SMG6: variants seen among roughly 807,000 people sequenced by gnomAD.
SMG6 encodes the protein telomerase-binding protein EST1A.
In SMG6, 66 loss-of-function variants were observed where a neutral mutation model predicts 142.2. That is an observed-to-expected ratio of 0.46 (90% CI 0.38 to 0.57). SMG6 has a LOEUF of 0.57. Among genes scored for constraint, SMG6 ranks in the 20% least tolerant of loss-of-function variants. The probability of loss-of-function intolerance (pLI) is 0.00; values close to 1 mark genes in which losing one functional copy is unlikely to be tolerated. For missense variants in SMG6, 1,793 were observed against 1,832.0 expected, an observed-to-expected ratio of 0.98 and a Z score of 0.39; for synonymous variants, 779 against 702.4, an observed-to-expected ratio of 1.11 and a Z score of -1.72.
intron 13 of SMG6, among the ~76,000 whole-genome samples, chr17:2,153,290 T>A (rs1026408669): frequency 2.6e-5 from 4 of 152,192 alleles, no homozygotes; most frequent in African/African-American, 9.7e-5. Flanking sequence ...CTATGTACTG[T>A]ATGATTTTAT....
intron 10 of SMG6, chr17:2,232,707 C>T (rs1168526287): frequency 1.3e-5 from 2 of 152,160 alleles, no homozygotes; most frequent in Non-Finnish European, 2.9e-5. Context: ...ATCAAGGTCT[C>T]TCCACCAACA....
At chr17:2,297,630 TTCTC>T (rs958478330) in intron 3 of SMG6, among the ~76,000 whole-genome samples, 4 of 151,962 alleles carry the variant, frequency 2.6e-5, no homozygotes, top group Non-Finnish European at 4.4e-5. Flanking sequence ...CACATTCTCA[TTCTC>T]TCTCTTTTAG....
intron 10 of SMG6, among the ~76,000 whole-genome samples, chr17:2,218,211 C>T (rs1022884027): frequency 6.6e-6 from 1 of 152,042 alleles, no homozygotes; most frequent in Admixed American, 6.6e-5. Context: ...TCTCCCATAA[C>T]ATTCTGTTAT....
At chr17:2,202,900 C>A (rs189477720) in intron 10 of SMG6, among the ~76,000 whole-genome samples, 1 of 152,322 alleles carries the variant, frequency 6.6e-6, no homozygotes, top group African/African-American at 2.4e-5. Flanking sequence ...AGCATTACCA[C>A]ACAGCTGCTG....
chr17:2,104,612 T>G (rs1040522359), intron 13 of SMG6, among the ~76,000 whole-genome samples: 3 of 150,424 alleles, frequency 2.0e-5, no homozygotes, highest in African/African-American at 7.4e-5. Flanking sequence ...CCTCTGCAAT[T>G]TTCATTGATC....
chr17:2,225,825 C>T (rs1045111012), intron 10 of SMG6, among the ~76,000 whole-genome samples: 2 of 151,606 alleles, frequency 1.3e-5, no homozygotes, highest in African/African-American at 2.4e-5. Context: ...AGTAGGGGCA[C>T]GACGACAACG....
intron 10 of SMG6, among the ~76,000 whole-genome samples, chr17:2,220,096 A>AT (rs2073131723): frequency 6.6e-6 from 1 of 151,858 alleles, no homozygotes; most frequent in Admixed American, 6.6e-5. Flanking sequence ...TAATTTTTGT[A>AT]TTTTTTTGTA....
chr17:2,152,977 T>C (rs1440966824), intron 13 of SMG6, among the ~76,000 whole-genome samples: 2 of 152,172 alleles, frequency 1.3e-5, no homozygotes, highest in Non-Finnish European at 2.9e-5. Context: ...ATGTATACAA[T>C]GGAATACTAC....
In SMG6 at chr17:2,291,842, C is replaced by G. The variant is rs1351822717; in HGVS notation, c.2337+710G>C. On this transcript the variant is annotated intron_variant, in intron 6 of 18. Transcript: ENST00000263073. ...CCAGCCTGGGTGACAGAGCAAGACC[C>G]TGCCTCTCTTAAAAAAAAAAAAAAA... 5.4e-5 allele frequency among the ~76,000 whole-genome samples: 7 copies of G among 128,864 alleles called. No homozygotes were observed. In the Admixed American group the frequency reaches 5.9e-4, roughly 11 times the overall value. 84.5% of individuals were successfully genotyped at this position (128,864 alleles called of 152,430 possible). A position where few individuals can be genotyped will look rare whatever the true frequency, so the allele number is the denominator to read the frequency against.
chr17:2,258,027 A>T (rs1597726187), intron 8 of SMG6, among the ~76,000 whole-genome samples: 3 of 100,130 alleles, frequency 3.0e-5, no homozygotes, highest in East Asian at 3.2e-4. Context: ...AAAAAAAAAA[A>T]AAAAAAAATA....
At chr17:2,117,599 G>A (rs1276098494) in intron 13 of SMG6, 2 of 152,134 alleles carry the variant, frequency 1.3e-5, no homozygotes, top group Non-Finnish European at 2.9e-5. Flanking sequence ...AACAGACAAT[G>A]TATAAGACCT....
chr17:2,159,819 G>C (rs571552432), intron 13 of SMG6, among the ~76,000 whole-genome samples: 1 of 152,074 alleles, frequency 6.6e-6, no homozygotes, highest in Non-Finnish European at 1.5e-5. Context: ...CCATACAATG[G>C]AATACTACTC....
chr17:2,167,131 C>CAAAAAAAAAA (rs57898779), intron 13 of SMG6, among the ~76,000 whole-genome samples: 118 of 35,568 alleles, frequency 3.3e-3, no homozygotes, highest in Middle Eastern at 0.031. Flanking sequence ...GACTCCATCT[C>CAAAAAAAAAA]AAAAAAAAAA....
rs1040369952 is a variant in SMG6 at position 2,265,953 on chromosome 17, TG to T, written c.2661+16693del. 3 of 981,038 alleles carry T rather than the reference TG, an allele frequency of 3.1e-6. No individual in the cohort carries two copies. In the African/African-American group the frequency reaches 5.3e-5, roughly 17 times the overall value. 60.8% of individuals were successfully genotyped at this position (981,038 alleles called of 1,614,324 possible). A position where few individuals can be genotyped will look rare whatever the true frequency, so the allele number is the denominator to read the frequency against. ...ACCACCTAAGAACTGGTGCATGTGTTGGGCTTCTAATCACCTCTCATTCTCG... is the reference window on the plus strand; with the variant it reads ...ACCACCTAAGAACTGGTGCATGTGTTGGCTTCTAATCACCTCTCATTCTCG... On this transcript the variant is annotated intron_variant, in intron 8 of 18. Coordinates refer to ENST00000263073, the MANE Select transcript of SMG6 (RefSeq NM_017575.5).
At chr17:2,197,302 G>A (rs1191900848) in intron 10 of SMG6, among the ~76,000 whole-genome samples, 9 of 152,130 alleles carry the variant, frequency 5.9e-5, no homozygotes, top group African/African-American at 1.9e-4. Context: ...GGTGGCTCAC[G>A]CCTATAATTC....
chr17:2,138,973 C>T (rs2070388239), intron 13 of SMG6, among the ~76,000 whole-genome samples: 1 of 152,204 alleles, frequency 6.6e-6, no homozygotes, highest in Admixed American at 6.5e-5. Context: ...ATCTCTAACT[C>T]TGTTCTCCAT....
chr17:2,240,053 G>A (rs530301935), intron 9 of SMG6: 1 of 152,310 alleles, frequency 6.6e-6, no homozygotes, highest in East Asian at 1.9e-4. Flanking sequence ...CACCAGGAAA[G>A]GGTCTGTCAG....
At chr17:2,191,159 G>C (rs954429215) in intron 10 of SMG6, among the ~76,000 whole-genome samples, 2 of 152,222 alleles carry the variant, frequency 1.3e-5, no homozygotes, top group Admixed American at 6.5e-5. Flanking sequence ...ATTTATCCAA[G>C]TATCCACGGC....
At chr17:2,061,853 ACT>A in intron 18 of SMG6, 1 of 507,578 alleles carries the variant, frequency 2.0e-6, no homozygotes, top group South Asian at 2.1e-5. Flanking sequence ...CCCATACAGG[ACT>A]CTCTTCTGCC....
Sources: gnomAD v4.1 joint callset for allele counts (sites outside exome capture counted in the v4.1 genomes callset) on GRCh38, gnomAD v4.1.1 for gene constraint, MANE v1.5 for transcripts, NCBI Gene and HGNC (gene_info 2026-07-23, HGNC 2026-07-21) for gene names.